The following CRYBB2 variants were observed in gnomAD, a reference collection of about 807,000 sequenced individuals.
CRYBB2 encodes the protein crystallin beta B2, also known as beta-crystallin B2.
Under a neutral mutation model 24.3 loss-of-function variants are expected in CRYBB2, and 12 were observed. The observed-to-expected ratio is 0.49, with a 90% confidence interval of 0.32 to 0.80. CRYBB2 has a LOEUF of 0.80. Ranked by LOEUF, CRYBB2 falls within the 30% of genes least tolerant of loss-of-function variation. The pLI is 0.04. For missense variants in CRYBB2, 198 were observed against 268.5 expected (o/e 0.74, Z 1.83); for synonymous variants, 98 against 101.6 (o/e 0.96, Z 0.21).
upstream of CRYBB2, among the ~76,000 whole-genome samples, chr22:25,217,824 A>G (rs1362446016): frequency 6.6e-6 from 1 of 152,078 alleles, no homozygotes; most frequent in Non-Finnish European, 1.5e-5. Context: ...ATGTGTGTGT[A>G]GTGTGTGTGC....
chr22:25,221,507 G>T (rs201245877), intron 2 of CRYBB2, 24 bp downstream of exon 2: 551 of 1,574,224 alleles, frequency 3.5e-4, no homozygotes, highest in African/African-American at 1.3e-3. Context: ...AGAGGAGGGG[G>T]CATGCAATGC....
At chr22:25,229,973 G>T (rs975966982) in intron 5 of CRYBB2, among the ~76,000 whole-genome samples, 2 of 151,008 alleles carry the variant, frequency 1.3e-5, no homozygotes, top group Non-Finnish European at 3.0e-5. Flanking sequence ...TTGACCGCGT[G>T]TGTCCCTAAG....
intron 1 of CRYBB2, chr22:25,213,779 C>T (rs1935134570): frequency 6.6e-6 from 1 of 152,232 alleles, no homozygotes; most frequent in Admixed American, 6.5e-5. Context: ...TCCCTACTTC[C>T]TGATGCCCTC....
rs1328008396 is a variant in CRYBB2, at chr22:25,231,743, C to A, written c.589C>A (p.Gln197Lys). 3 of 1,614,138 alleles carry A rather than the reference C, an allele frequency of 1.9e-6. No individual in the cohort carries two copies. Among genetic ancestry groups the A allele is most frequent in the East Asian group, 4.5e-5 (2 of 44,866 alleles). ...CCGTATCCGCGACATGCAGTGGCAC[C>A]AACGTGGTGCCTTCCACCCCTCCAA... ...VRRIRDMQWH[Q>K]RGAFHPSN Residue 197 changes from glutamine to lysine, a missense_variant, in exon 6 of 6, where the codon CAA (glutamine) becomes AAA (lysine). Transcript: ENST00000398215.
At chr22:25,220,656 C>G (rs1296407630) in intron 1 of CRYBB2, among the ~76,000 whole-genome samples, 2 of 152,146 alleles carry the variant, frequency 1.3e-5, no homozygotes, top group Non-Finnish European at 2.9e-5. Context: ...CCTCTCTTAC[C>G]CCTGGGGAAA....
upstream of CRYBB2, among the ~76,000 whole-genome samples, chr22:25,218,690 AAGAGAGAGAGAGAGGGG>A (rs1267916847): frequency 1.0e-3 from 82 of 78,634 alleles, 3 homozygotes; most frequent in East Asian, 3.0e-3. Context: ...GAAAGAAAGA[AAGAGAGAGAGAGAGGGG>A]GAGAGAGAGA....
At chr22:25,229,696 C>G in intron 5 of CRYBB2, 118 bp downstream of exon 5, 1 of 1,387,004 alleles carries the variant, frequency 7.2e-7, no homozygotes, top group Non-Finnish European at 1.0e-6. Flanking sequence ...GCTCTGCTGA[C>G]CTCTGGCTTC....
At chr22:25,218,830 G>GAAAGAAAGA (rs1569016507), upstream of CRYBB2, among the ~76,000 whole-genome samples, 1 of 109,482 alleles carries the variant, frequency 9.1e-6, no homozygotes. Context: ...AAGAAAGAAA[G>GAAAGAAAGA]AAAGAAAGAG....
At chr22:25,218,786 GAAAGAAAGAAAGAAAGAAAGA>G (rs1935254986), upstream of CRYBB2, among the ~76,000 whole-genome samples, 2 of 67,770 alleles carry the variant, frequency 3.0e-5, no homozygotes, top group South Asian at 7.6e-4. Flanking sequence ...AGAGAAGAAA[GAAAGAAAGAAAGAAAGAAAGA>G]AAGAAAGAAA....
Position 25,227,918 on chromosome 22 carries a change from C to A in CRYBB2, c.239C>A (p.Pro80His), listed in dbSNP as rs1935449923. The change falls in exon 4 of 6, where the codon CCC (proline) becomes CAC (histidine). Residue 80 changes from proline (P) to histidine (H), a missense_variant. Pro to His is a moderately conservative substitution (Grantham distance 77). Coordinates refer to ENST00000398215, the MANE Select transcript of CRYBB2 (RefSeq NM_000496.3). The part of the protein sequence containing the change: ...EQFVFEKGEY[P>H]RWDSWTSSRR... ...TTTGTGTTTGAGAAGGGTGAGTACC[C>A]CCGCTGGGACTCATGGACCAGCAGC... is the stretch of plus-strand genomic sequence containing the variant. The A allele has an allele frequency of 6.2e-7, 1 of 1,613,996 alleles. No homozygotes were observed. Among genetic ancestry groups the A allele is most frequent in the Non-Finnish European group, 8.5e-7 (1 of 1,180,036 alleles).
chr22:25,222,463 A>G (rs1935337659), intron 2 of CRYBB2, among the ~76,000 whole-genome samples: 1 of 152,174 alleles, frequency 6.6e-6, no homozygotes, highest in African/African-American at 2.4e-5. Context: ...GGGTCAAGTG[A>G]GGAAGCGGCT....
upstream of CRYBB2, among the ~76,000 whole-genome samples, chr22:25,217,713 G>T (rs891870928): frequency 3.3e-5 from 5 of 152,206 alleles, no homozygotes; most frequent in African/African-American, 1.2e-4. Flanking sequence ...TGCTTTTGTG[G>T]TGCTTATCTT....
intron 1 of CRYBB2, among the ~76,000 whole-genome samples, chr22:25,220,861 A>G (rs1163403038): frequency 6.6e-6 from 1 of 152,042 alleles, no homozygotes; most frequent in Non-Finnish European, 1.5e-5. Flanking sequence ...CTAATGGGGG[A>G]GTAAAACCAG....
upstream of CRYBB2, among the ~76,000 whole-genome samples, chr22:25,215,775 G>A (rs1018289247): frequency 3.3e-5 from 5 of 152,176 alleles, no homozygotes; most frequent in Admixed American, 2.6e-4. Flanking sequence ...GTGTGACCTC[G>A]AACAAGTTAC....
upstream of CRYBB2, among the ~76,000 whole-genome samples, chr22:25,217,518 T>C (rs1935189032): frequency 6.6e-6 from 1 of 152,162 alleles, no homozygotes; most frequent in African/African-American, 2.4e-5. Flanking sequence ...GGTTTCTCCA[T>C]GTTGCTCAGG....
chr22:25,219,818 G>A (rs530815550), intron 1 of CRYBB2, among the ~76,000 whole-genome samples, 152 bp downstream of exon 1: 1 of 152,260 alleles, frequency 6.6e-6, no homozygotes, highest in South Asian at 2.1e-4. Flanking sequence ...TGGGAAGGGG[G>A]TTAAAAAGCC....
At chr22:25,223,938 G>A (rs1404584976) in intron 2 of CRYBB2, among the ~76,000 whole-genome samples, 6 of 152,052 alleles carry the variant, frequency 3.9e-5, no homozygotes, top group Non-Finnish European at 8.8e-5. Flanking sequence ...GGCTAACTTG[G>A]TGAAACCCCA....
At chr22:25,221,372 A>G in intron 1 of CRYBB2, 32 bp from the exon 2 acceptor site, 1 of 1,409,554 alleles carries the variant, frequency 7.1e-7, no homozygotes, top group Non-Finnish European at 1.0e-6. Flanking sequence ...TGGCCCCTCC[A>G]GGTCCTCACT....
intron 3 of CRYBB2, among the ~76,000 whole-genome samples, chr22:25,227,219 C>T (rs1003035016): frequency 1.3e-5 from 2 of 152,130 alleles, no homozygotes; most frequent in East Asian, 1.9e-4. Flanking sequence ...TAGCCATGCC[C>T]GACCTGAAAG....
Sources: gnomAD v4.1 joint callset for allele counts (sites outside exome capture counted in the v4.1 genomes callset) on GRCh38, gnomAD v4.1.1 for gene constraint, MANE v1.5 for transcripts, NCBI Gene and HGNC (gene_info 2026-07-23, HGNC 2026-07-21) for gene names.